TULP4: variants seen among roughly 807,000 people sequenced by gnomAD.
TULP4 encodes the protein tubby-related protein 4.
Under a neutral mutation model 129.0 loss-of-function variants are expected in TULP4, and 16 were observed. The observed-to-expected ratio is 0.12, with a 90% CI of 0.08 to 0.19. TULP4 has a LOEUF of 0.19. Ranked by LOEUF, TULP4 falls within the 10% of genes least tolerant of loss-of-function variation. The probability of loss-of-function intolerance (pLI) is 1.00; values close to 1 mark genes in which losing one functional copy is unlikely to be tolerated. For missense variants in TULP4, 1,842 were observed against 2,059.1 expected, an observed-to-expected ratio of 0.89 and a Z score of 2.04; for synonymous variants, 998 against 854.0, an observed-to-expected ratio of 1.17 and a Z score of -2.94.
At chr6:158,252,388 C>CT (rs1275131591) in intron 1 of TULP4, among the ~76,000 whole-genome samples, 1 of 141,494 alleles carries the variant, frequency 7.1e-6, no homozygotes, top group Non-Finnish European at 1.5e-5. Context: ...TGTTTATTTA[C>CT]TTTTTTAGGT....
chr6:158,376,336 G>A lies in TULP4; in HGVS notation c.253-36729G>A, dbSNP rs140226935. On this transcript the variant is annotated intron_variant, in intron 1 of 13. Transcript: ENST00000367097. ...TTGCTGGGCATGTGGAAGGCTCTTC[G>A]TCCCATGTCTGGTGCCTACACTGGA... Among the ~76,000 whole-genome samples, 4 of 152,136 alleles carry A rather than the reference G, an allele frequency of 2.6e-5. No homozygotes were observed. In the East Asian group the frequency reaches 5.8e-4, roughly 22 times the overall value.
chr6:158,487,401 C>T (rs776982808), intron 8 of TULP4, among the ~76,000 whole-genome samples: 2 of 152,184 alleles, frequency 1.3e-5, no homozygotes, highest in Non-Finnish European at 2.9e-5. Flanking sequence ...GATAATGTCA[C>T]TGCATTGCAC....
chr6:158,472,721 C>T (rs1035296383), intron 6 of TULP4, among the ~76,000 whole-genome samples: 4 of 152,154 alleles, frequency 2.6e-5, no homozygotes, highest in Non-Finnish European at 5.9e-5. Context: ...TAGGGTATTG[C>T]GTACAAAACC....
At chr6:158,427,845 C>CTAA (rs1778536364) in intron 2 of TULP4, 1 of 152,228 alleles carries the variant, frequency 6.6e-6, no homozygotes, top group Non-Finnish European at 1.5e-5. Flanking sequence ...TTAGACTGGG[C>CTAA]ACAGTGGCTC....
chr6:158,301,293 C>A (rs1036784994), intron 1 of TULP4, among the ~76,000 whole-genome samples: 1 of 152,154 alleles, frequency 6.6e-6, no homozygotes, highest in African/African-American at 2.4e-5. Flanking sequence ...ACCAGCATTT[C>A]TGTTACTGGA....
intron 9 of TULP4, among the ~76,000 whole-genome samples, chr6:158,491,838 G>A (rs1335629469): frequency 2.7e-5 from 4 of 149,948 alleles, no homozygotes; most frequent in African/African-American, 7.4e-5. Context: ...CACTACAGGG[G>A]CATCTGAATG....
intron 1 of TULP4, among the ~76,000 whole-genome samples, chr6:158,305,680 G>A (rs1193902928): frequency 1.4e-5 from 2 of 145,230 alleles, no homozygotes; most frequent in African/African-American, 2.6e-5. Context: ...ACTCCAGCCC[G>A]AAAGACAGAG....
intron 8 of TULP4, among the ~76,000 whole-genome samples, chr6:158,484,033 T>G (rs1406011060): frequency 6.6e-6 from 1 of 150,992 alleles, no homozygotes; most frequent in African/African-American, 2.4e-5. Context: ...ACCCTCCCAC[T>G]TCAGCCTCCA....
intron 1 of TULP4, among the ~76,000 whole-genome samples, chr6:158,339,077 T>A (rs974358269): frequency 6.6e-6 from 1 of 152,152 alleles, no homozygotes; most frequent in Non-Finnish European, 1.5e-5. Context: ...CTGCCCCCAG[T>A]AATTCAACGT....
At chr6:158,381,025 G>A (rs1056707239) in intron 1 of TULP4, among the ~76,000 whole-genome samples, 6 of 151,958 alleles carry the variant, frequency 3.9e-5, no homozygotes, top group Admixed American at 2.0e-4. Context: ...GCCCTTCCGA[G>A]TCCCATGATG....
In TULP4 at chr6:158,241,311, C is replaced by A. The variant is rs1448821694; in HGVS notation, n.68+9008C>A. Reference sequence around the variant, plus strand: ...CCTCACATCCCAGATGATGGGCGGCCAGGCAGACACTCCTCACTTCCCAGA... The same window carrying A: ...CCTCACATCCCAGATGATGGGCGGCAAGGCAGACACTCCTCACTTCCCAGA... On this transcript the variant is annotated intron_variant and non_coding_transcript_variant, in intron 1 of 1. Transcript: ENST00000620026. Among the ~76,000 whole-genome samples the A allele has an allele frequency of 6.6e-5, 8 of 120,904 alleles. 1 individual carries two copies. The highest frequency in any genetic ancestry group is 2.1e-4 in the African/African-American group (8 of 37,716). 79.3% of individuals were successfully genotyped at this position (120,904 alleles called of 152,430 possible). A position where few individuals can be genotyped will look rare whatever the true frequency, so the allele number is the denominator to read the frequency against.
chr6:158,435,288 G>T (rs1245029193), intron 3 of TULP4, among the ~76,000 whole-genome samples: 1 of 152,114 alleles, frequency 6.6e-6, no homozygotes, highest in Non-Finnish European at 1.5e-5. Flanking sequence ...TCCCTCCCCA[G>T]TCAGTGGTTC....
intron 1 of TULP4, among the ~76,000 whole-genome samples, chr6:158,365,734 A>G (rs565712549): frequency 2.9e-4 from 44 of 150,564 alleles, no homozygotes; most frequent in Non-Finnish European, 5.2e-4. Context: ...GCCTCCCAAA[A>G]TGCTGGGATT....
intron 1 of TULP4, among the ~76,000 whole-genome samples, chr6:158,329,491 G>A (rs1312854709): frequency 2.1e-5 from 3 of 142,066 alleles, no homozygotes; most frequent in African/African-American, 5.1e-5. Context: ...GAATAACCTC[G>A]AAAGCACCAT....
intron 1 of TULP4, among the ~76,000 whole-genome samples, chr6:158,271,557 G>A (rs1239817450): frequency 6.6e-6 from 1 of 151,600 alleles, no homozygotes; most frequent in Admixed American, 6.6e-5. Flanking sequence ...CTCAGCCTCT[G>A]AGTAGCTGGG....
At chr6:158,334,398 T>TA in intron 1 of TULP4, among the ~76,000 whole-genome samples, 1 of 152,218 alleles carries the variant, frequency 6.6e-6, no homozygotes, top group African/African-American at 2.4e-5. Context: ...TTCTCTTCCT[T>TA]ATGATTTTCT....
At chr6:158,337,035 T>TTCTCTTTCTTTCTTTC (rs1554281465) in intron 1 of TULP4, among the ~76,000 whole-genome samples, 1 of 26,636 alleles carries the variant, frequency 3.8e-5, no homozygotes, top group African/African-American at 6.8e-5. Flanking sequence ...CTTTCTTTCT[T>TTCTCTTTCTTTCTTTC]TTTCTTTCTT....
chr6:158,423,135 GAAA>G (rs1778391658), intron 2 of TULP4, among the ~76,000 whole-genome samples: 8 of 124,404 alleles, frequency 6.4e-5, no homozygotes, highest in Non-Finnish European at 1.4e-4. Context: ...GGGGGGGGGG[GAAA>G]GAAACCTTCC....
At chr6:158,249,066 G>A (rs1414308419) in intron 1 of TULP4, among the ~76,000 whole-genome samples, 1 of 149,336 alleles carries the variant, frequency 6.7e-6, no homozygotes, top group Non-Finnish European at 1.5e-5. Flanking sequence ...GTCAAGGCTG[G>A]GTGACAGAGT....
Sources: gnomAD v4.1 joint callset for allele counts (sites outside exome capture counted in the v4.1 genomes callset) on GRCh38, gnomAD v4.1.1 for gene constraint, MANE v1.5 for transcripts, NCBI Gene and HGNC (gene_info 2026-07-23, HGNC 2026-07-21) for gene names.